Variants in TNS3 observed in about 807,000 individuals in gnomAD.
TNS3 encodes tensin 3.
Under a neutral mutation model 140.9 loss-of-function variants are expected in TNS3, and 45 were observed. The observed-to-expected ratio is 0.32, with a 90% CI of 0.25 to 0.41. The LOEUF (loss-of-function observed/expected upper bound fraction) is 0.41. Among genes scored for constraint, TNS3 ranks in the 10% least tolerant of loss-of-function variants. The probability of loss-of-function intolerance (pLI) is 1.00; values close to 1 mark genes in which losing one functional copy is unlikely to be tolerated. For synonymous variants in TNS3, 815 were observed against 788.4 expected, an observed-to-expected ratio of 1.03 and a Z score of -0.56; for missense variants, 1,716 against 1,906.7, an observed-to-expected ratio of 0.90 and a Z score of 1.86.
At chr7:47,404,854 A>ACTCT (rs1793356877) in intron 13 of TNS3, among the ~76,000 whole-genome samples, 30 of 152,084 alleles carry the variant, frequency 2.0e-4, no homozygotes, top group Admixed American at 2.0e-3. Flanking sequence ...ACTGTACTCC[A>ACTCT]GCCTGGGTGA....
chr7:47,536,655 C>A (rs1315167262), intron 1 of TNS3, among the ~76,000 whole-genome samples: 1 of 152,208 alleles, frequency 6.6e-6, no homozygotes, highest in South Asian at 2.1e-4. Flanking sequence ...TAAGCCTGAA[C>A]CCTCTTCCAC....
At chr7:47,517,358 G>A (rs1798812424) in intron 2 of TNS3, among the ~76,000 whole-genome samples, 1 of 152,130 alleles carries the variant, frequency 6.6e-6, no homozygotes, top group Admixed American at 6.5e-5. Flanking sequence ...TAGAGGAAAG[G>A]TGTCATTACC....
intron 4 of TNS3, among the ~76,000 whole-genome samples, chr7:47,468,003 C>A (rs1041775702): frequency 2.6e-5 from 4 of 152,086 alleles, no homozygotes; most frequent in African/African-American, 7.2e-5. Context: ...GAATCTGTAA[C>A]GTCTCCTTGT....
At chr7:47,339,265 A>C (rs572858087) in intron 20 of TNS3, among the ~76,000 whole-genome samples, 1 of 152,298 alleles carries the variant, frequency 6.6e-6, no homozygotes, top group African/African-American at 2.4e-5. Context: ...TCCTAACCTC[A>C]TAACTCTTTG....
At chr7:47,478,899 A>C (rs1797305253) in intron 4 of TNS3, among the ~76,000 whole-genome samples, 1 of 151,548 alleles carries the variant, frequency 6.6e-6, no homozygotes, top group South Asian at 2.1e-4. Flanking sequence ...TGCATAACAT[A>C]CATGTATGTA....
At position 47,416,512 on chromosome 7, in the gene TNS3, G is replaced by C. The variant is rs1202507823; in HGVS notation, c.474-1306C>G. ...TCAGTTCAGTTACAATTCGTAGTGA[G>C]AAACAGGGCATGTCAGTATTTCCAT... On this transcript the variant is annotated intron_variant, in intron 10 of 30. Transcript: ENST00000311160. 2.0e-5 allele frequency among the ~76,000 whole-genome samples: 3 copies of C among 151,746 alleles called. No individual in the cohort carries two copies. In the East Asian group the frequency reaches 5.8e-4, roughly 29 times the overall value.
At chr7:47,382,624 C>G (rs201327600) in intron 16 of TNS3, among the ~76,000 whole-genome samples, 1 of 152,132 alleles carries the variant, frequency 6.6e-6, no homozygotes, top group African/African-American at 2.4e-5. Context: ...GCCAGTCCAC[C>G]CTTAGTATGT....
rs1562675556 is a variant in TNS3 at position 47,389,104 on chromosome 7, G to GAAGAA, written c.1024+7695_1024+7696insTTCTT. Among the ~76,000 whole-genome samples, 13 of 29,976 alleles carry GAAGAA rather than the reference G, an allele frequency of 4.3e-4. 3 individuals carry two copies. Among genetic ancestry groups the GAAGAA allele is most frequent in the East Asian group, 3.4e-3 (2 of 596 alleles). The allele number at this position is 29,976 out of a possible 152,430, so 19.7% of individuals were successfully genotyped here. ...AAGAAGAGGAAGAGGAAGAGGAAGC[G>GAAGAA]GAAGCAGAAGAAGAAGAAGAAGAAG... On this transcript the variant is annotated intron_variant, in intron 16 of 30. Transcript: ENST00000311160.
Position 47,428,371 on chromosome 7 carries a change from C to A in TNS3, c.330G>T (p.Gly110=). ...ATATGACCACTCCTATGCGTCCTTTCCCGCCCTGCAGGAGACAAAAGATCA... is the reference window on the plus strand; with the variant it reads ...ATATGACCACTCCTATGCGTCCTTTACCGCCCTGCAGGAGACAAAAGATCA... The part of the protein sequence containing the change: ...QHVVVIHCRG[G]KGRIGVVISS... Residue 110 remains glycine, a synonymous_variant, in exon 9 of 31, where the codon GGG becomes GGT. Transcript: ENST00000311160. 1.4e-6 allele frequency: 2 copies of A among 1,436,842 alleles called. No individual in the cohort carries two copies. Among genetic ancestry groups the A allele is most frequent in the Non-Finnish European group, 9.2e-7 (1 of 1,089,144 alleles). The allele number at this position is 1,436,842 out of a possible 1,614,324, so 89.0% of individuals were successfully genotyped here. A position where few individuals can be genotyped will look rare whatever the true frequency, so the allele number is the denominator to read the frequency against.
intron 4 of TNS3, among the ~76,000 whole-genome samples, chr7:47,454,151 A>C (rs1243494653): frequency 6.6e-6 from 1 of 152,044 alleles, no homozygotes; most frequent in African/African-American, 2.4e-5. Flanking sequence ...CGCCCATTCC[A>C]CTGGAAACCA....
chr7:47,327,741 T>A (rs1788102514), intron 20 of TNS3, among the ~76,000 whole-genome samples: 1 of 152,174 alleles, frequency 6.6e-6, no homozygotes, highest in African/African-American at 2.4e-5. Context: ...AGAACTGTCA[T>A]CAAGTGACAA....
At chr7:47,410,254 A>G (rs1156456634) in intron 13 of TNS3, among the ~76,000 whole-genome samples, 2 of 152,184 alleles carry the variant, frequency 1.3e-5, no homozygotes, top group African/African-American at 4.8e-5. Context: ...ACTGCTGAGG[A>G]CAGACTTCCA....
At chr7:47,317,441 G>C (rs1451461466) in intron 20 of TNS3, among the ~76,000 whole-genome samples, 1 of 152,208 alleles carries the variant, frequency 6.6e-6, no homozygotes, top group Non-Finnish European at 1.5e-5. Context: ...TCAAGGTTTT[G>C]ATCAGACTGG....
At chr7:47,340,585 C>CTTTTTTTTTTTTTTTTTT (rs774726583) in intron 20 of TNS3, among the ~76,000 whole-genome samples, 1 of 134,854 alleles carries the variant, frequency 7.4e-6, no homozygotes, top group African/African-American at 2.8e-5. Context: ...TCTTTTTTTT[C>CTTTTTTTTTTTTTTTTTT]TTTTTTTTTT....
intron 2 of TNS3, among the ~76,000 whole-genome samples, chr7:47,528,352 G>A (rs1472395428): frequency 6.6e-6 from 1 of 152,162 alleles, no homozygotes; most frequent in Non-Finnish European, 1.5e-5. Flanking sequence ...CCCACAGGCT[G>A]AGACTCTGCA....
chr7:47,298,343 A>T (rs1786174460), intron 23 of TNS3, among the ~76,000 whole-genome samples: 1 of 152,174 alleles, frequency 6.6e-6, no homozygotes, highest in Non-Finnish European at 1.5e-5. Flanking sequence ...TGAGGCTGGT[A>T]GGCATTCAAC....
chr7:47,478,654 A>G (rs1004172277), intron 4 of TNS3, among the ~76,000 whole-genome samples: 3 of 152,150 alleles, frequency 2.0e-5, no homozygotes, highest in Non-Finnish European at 4.4e-5. Context: ...AAACAATTAC[A>G]TAACATATAT....
chr7:47,369,732 G>A, intron 16 of TNS3, 111 bp from the exon 17 acceptor site: 2 of 1,222,048 alleles, frequency 1.6e-6, no homozygotes, highest in Non-Finnish European at 2.2e-6. Flanking sequence ...TTCAAAATAT[G>A]ACTTACAATA....
intron 17 of TNS3, among the ~76,000 whole-genome samples, chr7:47,352,219 C>A (rs1789721149): frequency 6.6e-6 from 1 of 152,168 alleles, no homozygotes; most frequent in Non-Finnish European, 1.5e-5. Flanking sequence ...CTCACACTTT[C>A]TCATATACTT....
Sources: allele counts gnomAD v4.1 joint callset (sites outside exome capture counted in the v4.1 genomes callset), GRCh38; gene constraint gnomAD v4.1.1; transcripts MANE v1.5; gene names NCBI Gene and HGNC (gene_info 2026-07-23, HGNC 2026-07-21).